Variants in NAA16 observed in about 807,000 individuals in gnomAD.
NAA16 encodes NARG1-like protein.
Under a neutral mutation model 110.3 loss-of-function variants are expected in NAA16, and 97 were observed. The observed-to-expected ratio is 0.88, with a 90% CI of 0.75 to 1.04. NAA16 has a LOEUF of 1.04. NAA16 is among the 50% of genes least tolerant of loss of function. The pLI is 0.00. For missense variants in NAA16, 1,017 were observed against 1,005.1 expected, an observed-to-expected ratio of 1.01 and a Z score of -0.16; for synonymous variants, 372 against 330.6, an observed-to-expected ratio of 1.13 and a Z score of -1.36.
chr13:41,374,220 G>C (rs1315897269), intron 18 of NAA16, among the ~76,000 whole-genome samples: 3 of 151,324 alleles, frequency 2.0e-5, no homozygotes, highest in African/African-American at 7.3e-5. Flanking sequence ...ATTTATAGGA[G>C]AAATATAAAC....
intron 13 of NAA16, chr13:41,362,894 G>A (rs1176997535): frequency 7.6e-6 from 9 of 1,181,262 alleles, no homozygotes; most frequent in Non-Finnish European, 8.6e-6. Flanking sequence ...TGTCTGCACC[G>A]TGGCAGTCAC....
intron 9 of NAA16, among the ~76,000 whole-genome samples, chr13:41,337,025 G>T (rs994033080): frequency 6.6e-6 from 1 of 151,932 alleles, no homozygotes; most frequent in Non-Finnish European, 1.5e-5. Flanking sequence ...GTTACCAAAG[G>T]TATATATTTA....
At chr13:41,325,244 C>T (rs1460818467) in intron 5 of NAA16, among the ~76,000 whole-genome samples, 1 of 151,312 alleles carries the variant, frequency 6.6e-6, no homozygotes, top group Non-Finnish European at 1.5e-5. Context: ...TGTGCGCCAC[C>T]GTGCCTGGCC....
At chr13:41,317,068 A>T in intron 2 of NAA16, 138 bp downstream of exon 2, 1 of 618,988 alleles carries the variant, frequency 1.6e-6, no homozygotes, top group Non-Finnish European at 2.9e-6. Flanking sequence ...CATTTTTTTA[A>T]TGCTTTATAT....
chr13:41,362,820 C>T (rs1388019803), intron 13 of NAA16: 7 of 1,289,244 alleles, frequency 5.4e-6, no homozygotes, highest in South Asian at 2.5e-5. Flanking sequence ...TGGGGGCAAT[C>T]GGCACCACTG....
Position 41,311,448 on chromosome 13 carries a change from G to T in NAA16, c.-81G>T. 1 of 1,394,048 alleles carries T rather than the reference G, an allele frequency of 7.2e-7. No homozygotes were observed. The highest frequency in any genetic ancestry group is 9.9e-7 in the Non-Finnish European group (1 of 1,007,244). The allele number at this position is 1,394,048 out of a possible 1,614,324, so 86.4% of individuals were successfully genotyped here. On this transcript the variant is annotated 5_prime_UTR_variant, in exon 1 of 20. Coordinates refer to ENST00000379406, the MANE Select transcript of NAA16 (RefSeq NM_024561.5). ...GCAGCCCGACTCTCAGCAGCGGTTC[G>T]TCCCGGTGCCCACCCCCGCGAAGCG...
At chr13:41,367,814 T>TA (rs748499284) in intron 14 of NAA16, among the ~76,000 whole-genome samples, 162 bp downstream of exon 14, 30 of 152,218 alleles carry the variant, frequency 2.0e-4, no homozygotes, top group Admixed American at 2.6e-4. Context: ...CAGAGAGAGT[T>TA]AAAAAAAGTG....
rs1227520769 is a variant in NAA16 at position 41,311,501 on chromosome 13, C to T, written c.-28C>T. On this transcript the variant is annotated 5_prime_UTR_variant, in exon 1 of 20. Transcript: ENST00000379406. ...GCGCCCGGGCACCTAGCCTCCCTGC[C>T]GGCCACCTAGCCTCCCTGCCGGCCA... is the stretch of plus-strand genomic sequence containing the variant. The T allele has an allele frequency of 1.3e-6, 2 of 1,580,662 alleles. No homozygotes were observed. Among genetic ancestry groups the T allele is most frequent in the Admixed American group, 1.8e-5 (1 of 54,878 alleles).
intron 9 of NAA16, among the ~76,000 whole-genome samples, chr13:41,351,039 TAAGTG>T (rs772213505): frequency 5.3e-5 from 8 of 152,218 alleles, no homozygotes; most frequent in Non-Finnish European, 1.2e-4. Flanking sequence ...GTCAGGCTCT[TAAGTG>T]AAGACGTTCA....
chr13:41,364,915 C>CTT (rs2043181042), intron 13 of NAA16, among the ~76,000 whole-genome samples: 1 of 152,076 alleles, frequency 6.6e-6, no homozygotes, highest in Non-Finnish European at 1.5e-5. Flanking sequence ...TCCGGGAACT[C>CTT]TGAGAGGTAG....
intron 9 of NAA16, among the ~76,000 whole-genome samples, chr13:41,350,438 C>T (rs1243684612): frequency 9.9e-5 from 15 of 151,528 alleles, no homozygotes; most frequent in Admixed American, 3.9e-4. Context: ...GGACTACAGG[C>T]GCCCGCCACC....
intron 9 of NAA16, among the ~76,000 whole-genome samples, chr13:41,337,065 A>G (rs750125381): frequency 1.9e-4 from 29 of 152,164 alleles, no homozygotes; most frequent in Non-Finnish European, 3.8e-4. Context: ...TGGTACAGTT[A>G]TGGATTTTTA....
In NAA16 at chr13:41,374,841, T is replaced by C. The variant is rs1566307648; in HGVS notation, c.2397+2T>C. ...ACTATAAAAGATAAAGATGTAAAGG[T>C]AAGTTTTTTTTCTTTGGCTGATTTA... On this transcript the variant is annotated splice_donor_variant, in intron 19 of 19. Coordinates refer to ENST00000379406, the MANE Select transcript of NAA16 (RefSeq NM_024561.5). LOFTEE classifies it high-confidence loss of function. The C allele has an allele frequency of 6.3e-7, 1 of 1,582,768 alleles. No individual in the cohort carries two copies. The highest frequency in any genetic ancestry group is 8.6e-7 in the Non-Finnish European group (1 of 1,158,904).
At chr13:41,329,466 A>T (rs1294143804) in intron 7 of NAA16, among the ~76,000 whole-genome samples, 1 of 151,806 alleles carries the variant, frequency 6.6e-6, no homozygotes, top group Non-Finnish European at 1.5e-5. Flanking sequence ...ATATTCCTGA[A>T]ATAATTATGA....
At chr13:41,321,252 A>G (rs919751428) in intron 4 of NAA16, among the ~76,000 whole-genome samples, 8 of 152,164 alleles carry the variant, frequency 5.3e-5, no homozygotes, top group Non-Finnish European at 7.4e-5. Context: ...AGCCATGATT[A>G]TGCTACTGCA....
chr13:41,336,926 G>A (rs1227462270), intron 9 of NAA16, among the ~76,000 whole-genome samples, 170 bp downstream of exon 9: 1 of 152,098 alleles, frequency 6.6e-6, no homozygotes, highest in East Asian at 1.9e-4. Flanking sequence ...TAATATCAAA[G>A]TAAAGGGTTT....
rs112888045 is a variant in NAA16 at position 41,326,705 on chromosome 13, CCTTA to C, written c.691+858_691+861del. 1.1e-3 allele frequency among the ~76,000 whole-genome samples: 162 copies of C among 152,106 alleles called. 1 individual carries two copies. Among genetic ancestry groups the C allele is most frequent in the African/African-American group, 3.7e-3 (154 of 41,484 alleles). On this transcript the variant is annotated intron_variant, in intron 6 of 19. Transcript: ENST00000379406. ...TCAACACATTCCCTGACTTCAGAGC[CCTTA>C]CTTTTTTCTAAAAAATAGACATTTT...
intron 6 of NAA16, among the ~76,000 whole-genome samples, 174 bp downstream of exon 6, chr13:41,326,025 T>C (rs941616121): frequency 7.2e-5 from 11 of 152,156 alleles, no homozygotes; most frequent in Admixed American, 5.9e-4. Flanking sequence ...GTTGTAGTTA[T>C]TATATCTATT....
rs1221735639 is a variant in NAA16 at position 41,375,483 on chromosome 13, GC to G, written c.2478del (p.Cys827ValfsTer15). 1.9e-6 allele frequency: 3 copies of G among 1,613,878 alleles called. No homozygotes were observed. Among genetic ancestry groups the G allele is most frequent in the Non-Finnish European group, 2.5e-6 (3 of 1,179,906 alleles). On this transcript the variant is annotated frameshift_variant, in exon 20 of 20. Coordinates refer to ENST00000379406, the MANE Select transcript of NAA16 (RefSeq NM_024561.5). LOFTEE classifies it low-confidence loss of function (END_TRUNC). ...TTCCCAATATGAAGAATATAGGATG[GC>G]CTGTCATAACCTGCTTCCTTTTACA... Reference protein sequence around the residue: ...CSSQYEEYRMACHNLLPFTSA... With the variant: ...CSSQYEEYRMXCHNLLPFTSA...
Sources: gnomAD v4.1 joint callset for allele counts (sites outside exome capture counted in the v4.1 genomes callset) on GRCh38, gnomAD v4.1.1 for gene constraint, MANE v1.5 for transcripts, NCBI Gene and HGNC (gene_info 2026-07-23, HGNC 2026-07-21) for gene names.